Variants in UBE2U observed in about 807,000 individuals in gnomAD.
UBE2U encodes the protein ubiquitin conjugating enzyme E2 U, also known as ubiquitin-conjugating enzyme E2 U.
A neutral mutation model predicts 41.2 loss-of-function variants in UBE2U; 39 were observed. The ratio of observed to expected loss-of-function variants is 0.95; its 90% confidence interval spans 0.73 to 1.24. UBE2U has a LOEUF of 1.24. UBE2U is among the 50% of genes most tolerant of loss of function. The pLI, the probability that UBE2U is intolerant of heterozygous loss-of-function variation, is 0.00. For synonymous variants in UBE2U, 107 were observed against 117.8 expected (o/e 0.91, Z 0.60); for missense variants, 336 against 363.1 (o/e 0.93, Z 0.61).
intron 9 of UBE2U, among the ~76,000 whole-genome samples, chr1:64,263,927 C>T (rs1244104817): frequency 6.6e-6 from 1 of 152,178 alleles, no homozygotes; most frequent in African/African-American, 2.4e-5. Flanking sequence ...TGTGCAGCCT[C>T]TTGTACTCTA....
At chr1:64,208,578 T>G (rs1651453044) in intron 3 of UBE2U, among the ~76,000 whole-genome samples, 2 of 120,298 alleles carry the variant, frequency 1.7e-5, no homozygotes. Context: ...CACTCCAGCC[T>G]GGGCAACAGA....
intron 1 of UBE2U, among the ~76,000 whole-genome samples, chr1:64,205,161 C>A (rs1651215516): frequency 6.6e-6 from 1 of 152,162 alleles, no homozygotes; most frequent in Non-Finnish European, 1.5e-5. Context: ...TCCATTGGAA[C>A]AACTCCTCAA....
chr1:64,210,765 T>C lies in UBE2U; in HGVS notation c.265T>C (p.Cys89Arg). Residue 89 changes from cysteine (C) to arginine (R), a missense_variant, in exon 4 of 10, where the codon TGT (cysteine) becomes CGT (arginine). Physicochemically the swap from Cys to Arg is radical, Grantham distance 180. Coordinates refer to ENST00000371077, the MANE Select transcript of UBE2U (RefSeq NM_001366232.2). ...AGTAGACCCACACACTGGTCAGCCCTGTATAGACTTTTTGGACAACCCTGA... is the reference window on the plus strand; with the variant it reads ...AGTAGACCCACACACTGGTCAGCCCCGTATAGACTTTTTGGACAACCCTGA... ...PNVDPHTGQP[C>R]IDFLDNPEKW... is the part of the protein sequence containing the mutation. The C allele has an allele frequency of 6.2e-7, 1 of 1,602,568 alleles. No homozygotes were observed. Among genetic ancestry groups the C allele is most frequent in the Non-Finnish European group, 8.5e-7 (1 of 1,173,118 alleles).
At chr1:64,219,358 C>T (rs1652257736) in intron 5 of UBE2U, among the ~76,000 whole-genome samples, 1 of 151,408 alleles carries the variant, frequency 6.6e-6, no homozygotes, top group South Asian at 2.1e-4. Context: ...CTTTTTATTC[C>T]CAGTGATTTG....
Position 64,267,194 on chromosome 1 carries a change from A to G in UBE2U, c.940A>G (p.Thr314Ala). The change falls in exon 10 of 10, where the codon ACT becomes GCT. Residue 314 changes from threonine to alanine, a missense_variant. Transcript: ENST00000371077. ...ISWTNTLNTN[T>A]SED ...CTGGACCAATACTCTCAATACAAATACTTCAGAAGATTAAGCAGAACATTA... is the reference window on the plus strand; with the variant it reads ...CTGGACCAATACTCTCAATACAAATGCTTCAGAAGATTAAGCAGAACATTA... 1 of 1,526,336 alleles carries G rather than the reference A, an allele frequency of 6.6e-7. No individual in the cohort carries two copies. Among genetic ancestry groups the G allele is most frequent in the Non-Finnish European group, 8.8e-7 (1 of 1,139,166 alleles). 94.5% of individuals were successfully genotyped at this position (1,526,336 alleles called of 1,614,324 possible).
chr1:64,239,161 A>AAGGAGAAGAAGAAGAAGAAGG (rs1223119479), intron 7 of UBE2U, among the ~76,000 whole-genome samples: 1 of 81,728 alleles, frequency 1.2e-5, no homozygotes, highest in South Asian at 5.2e-4. Flanking sequence ...AAGAAGAAAG[A>AAGGAGAAGAAGAAGAAGAAGG]AGAAGAAGAA....
At chr1:64,243,256 A>G (rs538734190) in intron 8 of UBE2U, among the ~76,000 whole-genome samples, 1 of 152,314 alleles carries the variant, frequency 6.6e-6, no homozygotes, top group African/African-American at 2.4e-5. Flanking sequence ...CAAAAACTCC[A>G]CTATTTAAAT....
At chr1:64,248,424 A>G (rs1644955978) in intron 8 of UBE2U, among the ~76,000 whole-genome samples, 1 of 152,214 alleles carries the variant, frequency 6.6e-6, no homozygotes, top group South Asian at 2.1e-4. Flanking sequence ...CCAAAAGTCA[A>G]ATTACTAATG....
intron 6 of UBE2U, among the ~76,000 whole-genome samples, chr1:64,223,885 A>G (rs541204193): frequency 6.6e-6 from 1 of 152,204 alleles, no homozygotes; most frequent in Non-Finnish European, 1.5e-5. Flanking sequence ...GAGCTACAGC[A>G]GGACATCTTT....
rs143089337 is a variant in UBE2U, at chr1:64,263,118, C to T, written c.769+2424C>T. Among the ~76,000 whole-genome samples, 428 of 152,266 alleles carry T rather than the reference C, an allele frequency of 2.8e-3. 14 individuals carry two copies. The East Asian group carries it at 0.074, about 26-fold the overall frequency. On this transcript the variant is annotated intron_variant, in intron 9 of 9. Transcript: ENST00000371077. ...AGTTTAATGTCCAGAAACTGGTTAG[C>T]GCTCCAGTGCTGAGCCTTGTCCTCT...
intron 5 of UBE2U, among the ~76,000 whole-genome samples, chr1:64,220,562 A>G (rs1652376933): frequency 6.6e-6 from 1 of 151,940 alleles, no homozygotes; most frequent in African/African-American, 2.4e-5. Flanking sequence ...TGGCACATTC[A>G]ATTCCTGAAC....
At chr1:64,251,228 T>G (rs1179086427) in intron 8 of UBE2U, among the ~76,000 whole-genome samples, 2 of 151,252 alleles carry the variant, frequency 1.3e-5, no homozygotes, top group African/African-American at 2.4e-5. Context: ...TTAGTTTTTT[T>G]GAATGTTAAA....
At chr1:64,216,337 G>T (rs1652011551) in intron 5 of UBE2U, among the ~76,000 whole-genome samples, 1 of 152,156 alleles carries the variant, frequency 6.6e-6, no homozygotes, top group Admixed American at 6.5e-5. Context: ...CTTTCATCTG[G>T]AATACCAGTA....
intron 9 of UBE2U, among the ~76,000 whole-genome samples, chr1:64,264,100 G>A (rs146937913): frequency 1.7e-4 from 26 of 152,344 alleles, no homozygotes; most frequent in African/African-American, 6.3e-4. Flanking sequence ...TGTATTACTT[G>A]TAGTGGCTCT....
At chr1:64,220,960 T>C in intron 6 of UBE2U, 53 bp downstream of exon 6, 1 of 1,213,084 alleles carries the variant, frequency 8.2e-7, no homozygotes, top group Non-Finnish European at 1.2e-6. Context: ...AAGGACTATT[T>C]ATTTAAACTC....
intron 7 of UBE2U, among the ~76,000 whole-genome samples, chr1:64,233,165 G>A (rs568735795): frequency 6.6e-6 from 1 of 151,812 alleles, no homozygotes; most frequent in South Asian, 2.1e-4. Context: ...CTGCCACCAC[G>A]CCCAGCTAAT....
chr1:64,243,947 G>A (rs1307543169), intron 8 of UBE2U, among the ~76,000 whole-genome samples: 1 of 152,008 alleles, frequency 6.6e-6, no homozygotes, highest in Non-Finnish European at 1.5e-5. Context: ...TTTTTTTTGT[G>A]CCTCAGATTT....
chr1:64,239,128 AG>A (rs1270151684), intron 7 of UBE2U, among the ~76,000 whole-genome samples: 2 of 23,372 alleles, frequency 8.6e-5, no homozygotes, highest in East Asian at 3.6e-3. Flanking sequence ...AAGAAGAAGA[AG>A]AAGAAGAAGA....
At chr1:64,215,446 G>T (rs961716948) in intron 5 of UBE2U, 1 of 152,874 alleles carries the variant, frequency 6.5e-6, no homozygotes, top group Non-Finnish European at 1.5e-5. Flanking sequence ...GATCATCAAA[G>T]ATCTCAAGCT....
Sources: allele counts gnomAD v4.1 joint callset (sites outside exome capture counted in the v4.1 genomes callset), GRCh38; gene constraint gnomAD v4.1.1; transcripts MANE v1.5; gene names NCBI Gene and HGNC (gene_info 2026-07-23, HGNC 2026-07-21).